The following LDLRAD4 variants were observed in gnomAD, a reference collection of about 807,000 sequenced individuals.
LDLRAD4 encodes low-density lipoprotein receptor class A domain-containing protein 4.
A neutral mutation model predicts 17.0 loss-of-function variants in LDLRAD4; 5 were observed. That is an observed-to-expected ratio of 0.29 (90% CI 0.15 to 0.62). The LOEUF is 0.62. Ranked by LOEUF, LDLRAD4 falls within the 20% of genes least tolerant of loss-of-function variation. LDLRAD4 has a pLI of 0.84. For synonymous variants in LDLRAD4, 168 were observed against 171.8 expected (o/e 0.98, Z 0.17); for missense variants, 340 against 424.7 (o/e 0.80, Z 1.75).
intron 3 of LDLRAD4, among the ~76,000 whole-genome samples, chr18:13,450,326 A>ACC (rs397793931): frequency 0.041 from 2,786 of 67,804 alleles, 97 homozygotes; most frequent in South Asian, 0.067. Flanking sequence ...CTCTCCCCCC[A>ACC]CCCCCCCCCC....
chr18:13,600,712 G>A (rs1419539735), intron 3 of LDLRAD4, among the ~76,000 whole-genome samples: 1 of 152,080 alleles, frequency 6.6e-6, no homozygotes, highest in Non-Finnish European at 1.5e-5. Context: ...AGACTGGTTT[G>A]GAAAATTTTT....
At chr18:13,601,766 A>G (rs1367894785) in intron 3 of LDLRAD4, among the ~76,000 whole-genome samples, 1 of 152,228 alleles carries the variant, frequency 6.6e-6, no homozygotes, top group Non-Finnish European at 1.5e-5. Flanking sequence ...TTCTCAAAGA[A>G]CTGAAAATAG....
At chr18:13,373,708 G>T (rs140601367) in intron 1 of LDLRAD4, among the ~76,000 whole-genome samples, 22 of 152,286 alleles carry the variant, frequency 1.4e-4, no homozygotes, top group African/African-American at 3.8e-4. Flanking sequence ...ACTTGCTTTT[G>T]AATAGTACCT....
chr18:13,343,207 T>C (rs577964936), intron 1 of LDLRAD4, among the ~76,000 whole-genome samples: 1 of 151,472 alleles, frequency 6.6e-6, no homozygotes, highest in African/African-American at 2.4e-5. Flanking sequence ...AACATTAATA[T>C]ATCTCCTAAT....
chr18:13,388,446 G>A (rs1036625164), intron 2 of LDLRAD4, among the ~76,000 whole-genome samples: 4 of 152,352 alleles, frequency 2.6e-5, no homozygotes, highest in Non-Finnish European at 2.9e-5. Context: ...ACTGGGCTCC[G>A]TGACATTGAG....
At chr18:13,606,801 C>G (rs2095228757) in intron 3 of LDLRAD4, among the ~76,000 whole-genome samples, 1 of 152,144 alleles carries the variant, frequency 6.6e-6, no homozygotes, top group African/African-American at 2.4e-5. Flanking sequence ...AATTTCATCT[C>G]AGAGCAAAAT....
chr18:13,648,046 T>A (rs1601914228), exon 6 of LDLRAD4: 1 of 152,284 alleles, frequency 6.6e-6, no homozygotes. Context: ...CTTGGTCAGG[T>A]GTGCCCACAG....
At chr18:13,346,936 C>T (rs970936020) in intron 1 of LDLRAD4, among the ~76,000 whole-genome samples, 54 of 152,160 alleles carry the variant, frequency 3.5e-4, no homozygotes, top group African/African-American at 1.3e-3. Flanking sequence ...AGATCTTCCT[C>T]CATCCCTTTA....
At chr18:13,397,871 G>T (rs907640175) in intron 2 of LDLRAD4, among the ~76,000 whole-genome samples, 1 of 152,250 alleles carries the variant, frequency 6.6e-6, no homozygotes, top group Non-Finnish European at 1.5e-5. Context: ...CCCTTTTGGA[G>T]GGATGCTATC....
intron 3 of LDLRAD4, among the ~76,000 whole-genome samples, chr18:13,452,761 GT>G (rs777652645): frequency 1.3e-5 from 2 of 152,216 alleles, no homozygotes; most frequent in Non-Finnish European, 2.9e-5. Flanking sequence ...TAATTGCTAA[GT>G]GCTTTACTTG....
At chr18:13,577,114 A>G (rs1055465507) in intron 3 of LDLRAD4, among the ~76,000 whole-genome samples, 4 of 151,432 alleles carry the variant, frequency 2.6e-5, no homozygotes, top group Non-Finnish European at 5.9e-5. Context: ...GCATGAGGCT[A>G]GTTTTGTATT....
intron 3 of LDLRAD4, among the ~76,000 whole-genome samples, chr18:13,544,582 T>G (rs2094332812): frequency 6.6e-6 from 1 of 152,150 alleles, no homozygotes; most frequent in Non-Finnish European, 1.5e-5. Flanking sequence ...GCCTGCATGG[T>G]GGATGGGAAA....
At chr18:13,530,576 C>T (rs2094111896) in intron 3 of LDLRAD4, among the ~76,000 whole-genome samples, 1 of 152,262 alleles carries the variant, frequency 6.6e-6, no homozygotes, top group Non-Finnish European at 1.5e-5. Context: ...GATAATCTGT[C>T]TCCCAGCAGA....
At chr18:13,321,581 C>G (rs1357605652) in intron 1 of LDLRAD4, among the ~76,000 whole-genome samples, 1 of 152,016 alleles carries the variant, frequency 6.6e-6, no homozygotes, top group East Asian at 1.9e-4. Flanking sequence ...AATAAACACA[C>G]AAGGCTGGGC....
intron 1 of LDLRAD4, among the ~76,000 whole-genome samples, chr18:13,375,882 C>T (rs962439754): frequency 3.9e-5 from 6 of 152,224 alleles, no homozygotes; most frequent in African/African-American, 7.2e-5. Context: ...GTGTGTTTCC[C>T]GATTTCAAGT....
intron 4 of LDLRAD4, among the ~76,000 whole-genome samples, chr18:13,626,661 A>G (rs2041195992): frequency 6.6e-6 from 1 of 152,260 alleles, no homozygotes; most frequent in Non-Finnish European, 1.5e-5. Flanking sequence ...ACAGGGATTA[A>G]ATCGATTGTG....
chr18:13,334,945 A>T (rs2082034527), intron 1 of LDLRAD4, among the ~76,000 whole-genome samples: 1 of 152,212 alleles, frequency 6.6e-6, no homozygotes, highest in Non-Finnish European at 1.5e-5. Context: ...TGATAAACTT[A>T]GCTCATTTAC....
At chr18:13,422,789 T>A (rs2089607609) in intron 2 of LDLRAD4, among the ~76,000 whole-genome samples, 3 of 152,276 alleles carry the variant, frequency 2.0e-5, no homozygotes, top group African/African-American at 7.2e-5. Context: ...GCAACAGATC[T>A]GTTTTTTCCT....
At position 13,313,887 on chromosome 18, in the gene LDLRAD4, G is replaced by C. The variant is rs189226245; in HGVS notation, c.-383+35699G>C. On this transcript the variant is annotated intron_variant, in intron 1 of 5. Coordinates refer to ENST00000359446, the Ensembl canonical transcript of LDLRAD4. ...GCGTTTGGATTAAGGAGAGTAGTTT[G>C]TTTGGTTTTTATTTTTATTTTTATT... Among the ~76,000 whole-genome samples, 372 of 152,176 alleles carry C rather than the reference G, an allele frequency of 2.4e-3. 1 individual carries two copies. The highest frequency in any genetic ancestry group is 8.3e-3 in the African/African-American group (344 of 41,520).
Sources: gnomAD v4.1 joint callset for allele counts (sites outside exome capture counted in the v4.1 genomes callset) on GRCh38, gnomAD v4.1.1 for gene constraint, MANE v1.5 for transcripts, NCBI Gene and HGNC (gene_info 2026-07-23, HGNC 2026-07-21) for gene names.